Variants in PRKCA observed in about 807,000 individuals in gnomAD.
PRKCA encodes the protein protein kinase C alpha.
A neutral mutation model predicts 87.0 loss-of-function variants in PRKCA; 27 were observed. The observed-to-expected ratio is 0.31, with a 90% CI of 0.23 to 0.43. The LOEUF (loss-of-function observed/expected upper bound fraction) is 0.43, where lower values mean the gene tolerates loss of function less well. PRKCA is among the 20% of genes least tolerant of loss of function. The probability of loss-of-function intolerance (pLI) is 1.00; values close to 1 mark genes in which losing one functional copy is unlikely to be tolerated. For synonymous variants in PRKCA, 329 were observed against 311.1 expected (o/e 1.06, Z -0.61); for missense variants, 518 against 852.3 (o/e 0.61, Z 4.88).
chr17:66,686,562 G>T (rs1012563906), intron 5 of PRKCA, among the ~76,000 whole-genome samples: 3 of 152,150 alleles, frequency 2.0e-5, no homozygotes, highest in Non-Finnish European at 4.4e-5. Flanking sequence ...TAATTCTGGG[G>T]ATTAGAATTT....
At chr17:66,645,318 A>G in intron 4 of PRKCA, 65 bp from the exon 5 acceptor site, 1 of 1,608,398 alleles carries the variant, frequency 6.2e-7, no homozygotes, top group Non-Finnish European at 8.5e-7. Context: ...TCATGCACCA[A>G]AACACTGAGG....
At chr17:66,505,023 T>G (rs1335217880) in intron 3 of PRKCA, among the ~76,000 whole-genome samples, 1 of 152,170 alleles carries the variant, frequency 6.6e-6, no homozygotes, top group Non-Finnish European at 1.5e-5. Context: ...ATACCCTTCT[T>G]CACTTGCTGT....
chr17:66,421,095 TG>T (rs1466317483), intron 2 of PRKCA, among the ~76,000 whole-genome samples: 14 of 152,232 alleles, frequency 9.2e-5, no homozygotes, highest in African/African-American at 3.4e-4. Context: ...GCATGTTGGA[TG>T]GCTACTCCAG....
intron 2 of PRKCA, among the ~76,000 whole-genome samples, chr17:66,312,825 G>A (rs1848522484): frequency 7.5e-6 from 1 of 134,222 alleles, no homozygotes; most frequent in South Asian, 2.4e-4. Context: ...TGCAACCTTT[G>A]CCTCCTGGGC....
chr17:66,483,994 A>T (rs1184960598), intron 2 of PRKCA, among the ~76,000 whole-genome samples: 1 of 152,116 alleles, frequency 6.6e-6, no homozygotes, highest in Non-Finnish European at 1.5e-5. Flanking sequence ...TTATTAAGAA[A>T]AAAAAAGTTT....
In PRKCA at chr17:66,804,585, T is replaced by A. The variant is rs575853968; in HGVS notation, c.*548T>A. 6.5e-6 allele frequency: 1 copy of A among 153,234 alleles called. No homozygotes were observed. Among genetic ancestry groups the A allele is most frequent in the East Asian group, 1.9e-4 (1 of 5,176 alleles). The allele number at this position is 153,234 out of a possible 1,614,324, so 9.5% of individuals were successfully genotyped here. On this transcript the variant is annotated 3_prime_UTR_variant, in exon 17 of 17. Coordinates refer to ENST00000413366, the MANE Select transcript of PRKCA (RefSeq NM_002737.3). The stretch of plus-strand genomic sequence containing the variant: ...GCCCCTAGAATCTGAAAGGCCGGGA[T>A]AAACCTAATCACTGTTCCCAAACAT...
chr17:66,559,316 C>CA (rs1200228075), intron 3 of PRKCA, among the ~76,000 whole-genome samples: 221 of 145,450 alleles, frequency 1.5e-3, no homozygotes, highest in African/African-American at 3.7e-3. Context: ...CCTAAAAATA[C>CA]AAAAAAAAAA....
intron 3 of PRKCA, among the ~76,000 whole-genome samples, chr17:66,515,070 A>G (rs955697371): frequency 6.6e-6 from 1 of 152,058 alleles, no homozygotes; most frequent in Non-Finnish European, 1.5e-5. Flanking sequence ...CCTGGCTAAC[A>G]TGGTGAAACC....
At chr17:66,527,564 C>T (rs1362625729) in intron 3 of PRKCA, among the ~76,000 whole-genome samples, 1 of 152,226 alleles carries the variant, frequency 6.6e-6, no homozygotes, top group Non-Finnish European at 1.5e-5. Context: ...CTGATCCGCT[C>T]TGCCTGCCTC....
At chr17:66,431,930 C>A (rs942314260) in intron 2 of PRKCA, among the ~76,000 whole-genome samples, 2 of 152,314 alleles carry the variant, frequency 1.3e-5, no homozygotes, top group East Asian at 3.9e-4. Context: ...AATTTCCCCC[C>A]GCATCCTAAT....
intron 3 of PRKCA, among the ~76,000 whole-genome samples, chr17:66,581,481 G>GT (rs916315451): frequency 1.3e-5 from 2 of 151,718 alleles, no homozygotes; most frequent in African/African-American, 4.8e-5. Context: ...TTTCTTTTTT[G>GT]TTTTTTGTTT....
intron 13 of PRKCA, among the ~76,000 whole-genome samples, chr17:66,744,004 A>T (rs1024579960): frequency 6.6e-6 from 1 of 152,034 alleles, no homozygotes; most frequent in African/African-American, 2.4e-5. Flanking sequence ...TGCTGTGTGG[A>T]CTGAAGTGCC....
chr17:66,755,739 C>G (rs563845518), intron 13 of PRKCA, among the ~76,000 whole-genome samples: 1 of 152,276 alleles, frequency 6.6e-6, no homozygotes, highest in South Asian at 2.1e-4. Context: ...CGTCATCGTT[C>G]CATCCTGACA....
At position 66,632,402 on chromosome 17, in the gene PRKCA, C is replaced by T. The variant is rs573456213; in HGVS notation, c.289-8953C>T. On this transcript the variant is annotated intron_variant, in intron 3 of 16. Coordinates refer to ENST00000413366, the MANE Select transcript of PRKCA (RefSeq NM_002737.3). Reference sequence around the variant, plus strand: ...TTTGTTTGTTTTTTGTTTTTTGAGACGGGGTCTTGCTCTGTTACCCAGGCT... The same window carrying T: ...TTTGTTTGTTTTTTGTTTTTTGAGATGGGGTCTTGCTCTGTTACCCAGGCT... Among the ~76,000 whole-genome samples, 7 of 152,010 alleles carry T rather than the reference C, an allele frequency of 4.6e-5. No homozygotes were observed. In the South Asian group the frequency reaches 1.3e-3, roughly 27 times the overall value.
At chr17:66,494,682 A>G (rs1460247295) in intron 2 of PRKCA, among the ~76,000 whole-genome samples, 5 of 152,214 alleles carry the variant, frequency 3.3e-5, no homozygotes, top group Non-Finnish European at 7.4e-5. Context: ...GTTTTTTAAC[A>G]TGTTGTTATT....
At chr17:66,509,442 G>A (rs1005156206) in intron 3 of PRKCA, among the ~76,000 whole-genome samples, 2 of 152,098 alleles carry the variant, frequency 1.3e-5, no homozygotes, top group African/African-American at 4.8e-5. Flanking sequence ...TTTAGATTGA[G>A]TCCAAGAGCA....
rs1023478996 is a variant in PRKCA at position 66,413,194 on chromosome 17, C to T, written c.206-83007C>T. On this transcript the variant is annotated intron_variant, in intron 2 of 16. Transcript: ENST00000413366. ...TGTCTCTAACTTTGGCTTCCCATCA[C>T]CCCTTCTCAGGCTCAGTTCATCTAC... is the stretch of plus-strand genomic sequence containing the variant. Among the ~76,000 whole-genome samples the T allele has an allele frequency of 3.9e-5, 6 of 152,316 alleles. No homozygotes were observed. The South Asian group carries it at 1.2e-3, about 32-fold the overall frequency.
At chr17:66,775,589 T>C in intron 14 of PRKCA, 6 of 985,418 alleles carry the variant, frequency 6.1e-6, no homozygotes, top group Non-Finnish European at 7.2e-6. Context: ...CACATGCTAG[T>C]GCCAAGACCT....
At chr17:66,648,582 A>G (rs1971510959) in intron 5 of PRKCA, among the ~76,000 whole-genome samples, 1 of 152,230 alleles carries the variant, frequency 6.6e-6, no homozygotes, top group Non-Finnish European at 1.5e-5. Context: ...TTTAAAGTAC[A>G]GTTATGTGTG....
Sources: allele counts gnomAD v4.1 joint callset (sites outside exome capture counted in the v4.1 genomes callset), GRCh38; gene constraint gnomAD v4.1.1; transcripts MANE v1.5; gene names NCBI Gene and HGNC (gene_info 2026-07-23, HGNC 2026-07-21).